Variants in MERTK observed in about 807,000 individuals in gnomAD.
The protein encoded by MERTK is tyrosine-protein kinase Mer.
MERTK carries 69 observed loss-of-function variants against 99.3 expected under a neutral mutation model. The ratio of observed to expected loss-of-function variants is 0.70; its 90% CI spans 0.57 to 0.85. MERTK has a LOEUF of 0.85. Ranked by LOEUF, MERTK falls within the 40% of genes least tolerant of loss-of-function variation. The pLI is 0.00. For missense variants in MERTK, 1,125 were observed against 1,249.4 expected (o/e 0.90, Z 1.50); for synonymous variants, 426 against 467.6 (o/e 0.91, Z 1.15).
At chr2:111,940,866 G>C in intron 2 of MERTK, 7 of 783,542 alleles carry the variant, frequency 8.9e-6, no homozygotes, top group African/African-American at 1.7e-5. Context: ...GAAAGAACTC[G>C]GGCCAGTCAC....
chr2:111,993,952 C>T (rs1488472471), intron 8 of MERTK, among the ~76,000 whole-genome samples: 1 of 152,166 alleles, frequency 6.6e-6, no homozygotes, highest in Admixed American at 6.5e-5. Context: ...CTTGCTCTGC[C>T]GTCCGGGTGC....
At chr2:111,989,257 G>A (rs1573623393) in intron 8 of MERTK, among the ~76,000 whole-genome samples, 1 of 152,124 alleles carries the variant, frequency 6.6e-6, no homozygotes, top group African/African-American at 2.4e-5. Context: ...CCCTTTGAAC[G>A]AGTCACCTTT....
chr2:111,942,182 A>G (rs1427910527), intron 2 of MERTK, among the ~76,000 whole-genome samples: 1 of 152,200 alleles, frequency 6.6e-6, no homozygotes, highest in African/African-American at 2.4e-5. Flanking sequence ...CCGGTCTTCA[A>G]AGGCACAAGT....
intron 1 of MERTK, 98 bp downstream of exon 1, chr2:111,898,894 G>A: frequency 7.7e-7 from 1 of 1,295,012 alleles, no homozygotes; most frequent in Non-Finnish European, 1.0e-6. Flanking sequence ...GGCGCGCCTG[G>A]CTGCTGGACA....
chr2:111,973,469 C>A (rs999302058), intron 6 of MERTK, among the ~76,000 whole-genome samples: 1 of 152,054 alleles, frequency 6.6e-6, no homozygotes, highest in South Asian at 2.1e-4. Flanking sequence ...ACCCCCACAC[C>A]GTACTCCTGG....
At chr2:111,965,090 C>A (rs1685334818) in intron 4 of MERTK, 101 bp from the exon 5 acceptor site, 1 of 1,183,948 alleles carries the variant, frequency 8.4e-7, no homozygotes, top group Non-Finnish European at 1.2e-6. Flanking sequence ...GCCCAAAAGC[C>A]ATGAACCAAG....
chr2:111,924,917 T>C (rs964901444), intron 1 of MERTK, among the ~76,000 whole-genome samples: 56 of 152,088 alleles, frequency 3.7e-4, no homozygotes, highest in African/African-American at 1.3e-3. Flanking sequence ...CTGGCTGTAG[T>C]GTAGGTGGTA....
intron 1 of MERTK, among the ~76,000 whole-genome samples, chr2:111,921,245 T>C (rs1429676288): frequency 6.6e-6 from 1 of 151,976 alleles, no homozygotes; most frequent in Admixed American, 6.5e-5. Flanking sequence ...GCAAAAGCCT[T>C]TCTCTGAACT....
chr2:112,010,181 T>C (rs748884751), intron 15 of MERTK, 115 bp downstream of exon 15: 44 of 817,766 alleles, frequency 5.4e-5, no homozygotes, highest in Admixed American at 1.9e-4. Flanking sequence ...ACGTTGACTT[T>C]TGTTCAGTGC....
At chr2:111,990,934 CTT>C (rs1318348653) in intron 8 of MERTK, among the ~76,000 whole-genome samples, 4 of 152,112 alleles carry the variant, frequency 2.6e-5, no homozygotes, top group African/African-American at 9.7e-5. Context: ...TGTAATTCCT[CTT>C]ATTTTGAGAT....
chr2:112,012,725 T>C (rs1019231828), intron 15 of MERTK, among the ~76,000 whole-genome samples: 3 of 152,134 alleles, frequency 2.0e-5, no homozygotes, highest in Admixed American at 6.5e-5. Flanking sequence ...CGGTAACTTA[T>C]GAACTTAATA....
At chr2:111,969,112 C>T (rs1016770131) in intron 6 of MERTK, among the ~76,000 whole-genome samples, 18 of 152,266 alleles carry the variant, frequency 1.2e-4, no homozygotes, top group Admixed American at 9.8e-4. Flanking sequence ...GATAACTTGC[C>T]CATGATGTAA....
intron 15 of MERTK, among the ~76,000 whole-genome samples, chr2:112,015,476 C>T (rs974107840): frequency 2.0e-5 from 3 of 152,090 alleles, no homozygotes; most frequent in Non-Finnish European, 2.9e-5. Context: ...TCCTTACATC[C>T]GCTTTGATGA....
At chr2:111,909,744 T>TC (rs992708188) in intron 1 of MERTK, among the ~76,000 whole-genome samples, 2 of 152,080 alleles carry the variant, frequency 1.3e-5, no homozygotes, top group Non-Finnish European at 2.9e-5. Flanking sequence ...CCAGGCCTTC[T>TC]CCCTGTACCC....
chr2:111,953,862 A>G (rs1480429228), intron 4 of MERTK, among the ~76,000 whole-genome samples: 3 of 152,230 alleles, frequency 2.0e-5, no homozygotes, highest in Non-Finnish European at 4.4e-5. Flanking sequence ...GGCGTGAGCC[A>G]CTGTGCCCAG....
At chr2:112,011,796 T>TG (rs1248761063) in intron 15 of MERTK, among the ~76,000 whole-genome samples, 5 of 152,238 alleles carry the variant, frequency 3.3e-5, no homozygotes, top group Non-Finnish European at 5.9e-5. Flanking sequence ...TAGTTCACTC[T>TG]GTGAACAAGT....
intron 8 of MERTK, among the ~76,000 whole-genome samples, chr2:111,992,523 C>A (rs1174255999): frequency 6.6e-6 from 1 of 152,036 alleles, no homozygotes; most frequent in African/African-American, 2.4e-5. Context: ...GAGGCTGAGG[C>A]AGGTGGATCG....
chr2:111,912,373 A>G (rs7568632), intron 1 of MERTK, among the ~76,000 whole-genome samples: 32,768 of 152,034 alleles, frequency 0.22, 4,054 homozygotes, highest in South Asian at 0.32. Context: ...GTTGCCATGA[A>G]CATTATTCTT....
intron 1 of MERTK, among the ~76,000 whole-genome samples, chr2:111,925,290 A>ATTTT (rs1336943200): frequency 0.011 from 345 of 31,360 alleles, 9 homozygotes; most frequent in East Asian, 0.025. Flanking sequence ...ATATATATAT[A>ATTTT]TATTTTTTTT....
Sources: gnomAD v4.1 joint callset for allele counts (sites outside exome capture counted in the v4.1 genomes callset) on GRCh38, gnomAD v4.1.1 for gene constraint, MANE v1.5 for transcripts, NCBI Gene and HGNC (gene_info 2026-07-23, HGNC 2026-07-21) for gene names.